The following DLGAP1 variants were observed in gnomAD, a reference collection of about 807,000 sequenced individuals.
DLGAP1 encodes DLG associated protein 1, also known as disks large-associated protein 1.
In DLGAP1, 11 loss-of-function variants were observed where a neutral mutation model predicts 90.8. The observed-to-expected ratio is 0.12, with a 90% confidence interval of 0.08 to 0.20. The LOEUF (loss-of-function observed/expected upper bound fraction) is 0.20, where lower values mean the gene tolerates loss of function less well. Ranked by LOEUF, DLGAP1 falls within the 10% of genes least tolerant of loss-of-function variation. The pLI, the probability that DLGAP1 is intolerant of heterozygous loss-of-function variation, is 1.00. For missense variants in DLGAP1, 1,050 were observed against 1,333.8 expected (o/e 0.79, Z 3.31); for synonymous variants, 558 against 540.7 (o/e 1.03, Z -0.44).
intron 7 of DLGAP1, among the ~76,000 whole-genome samples, chr18:3,669,292 G>A (rs2059994718): frequency 6.6e-6 from 1 of 151,898 alleles, no homozygotes; most frequent in African/African-American, 2.4e-5. Context: ...GGGAAGGGAA[G>A]TGCTGGGTAG....
chr18:4,358,149 C>T (rs1197716891), intron 1 of DLGAP1, among the ~76,000 whole-genome samples: 9 of 152,196 alleles, frequency 5.9e-5, no homozygotes, highest in East Asian at 1.9e-4. Flanking sequence ...AGCCAATAAT[C>T]GTGATTCCAT....
chr18:4,102,594 C>A (rs151022812), intron 2 of DLGAP1, among the ~76,000 whole-genome samples: 2 of 152,268 alleles, frequency 1.3e-5, no homozygotes, highest in African/African-American at 4.8e-5. Context: ...TTCAAGGCCC[C>A]TGGAGTAAGC....
chr18:3,614,009 G>A (rs1308702111), intron 7 of DLGAP1, among the ~76,000 whole-genome samples: 4 of 151,650 alleles, frequency 2.6e-5, no homozygotes, highest in Admixed American at 6.6e-5. Flanking sequence ...TGCAAGCTCC[G>A]CCCCCAGGTT....
At chr18:4,196,144 T>G (rs964156236) in intron 1 of DLGAP1, among the ~76,000 whole-genome samples, 1 of 152,140 alleles carries the variant, frequency 6.6e-6, no homozygotes, top group Non-Finnish European at 1.5e-5. Context: ...ATCTAGGCAC[T>G]GGGTTGTCAT....
chr18:4,056,876 T>C (rs1422088849), intron 2 of DLGAP1, among the ~76,000 whole-genome samples: 1 of 152,162 alleles, frequency 6.6e-6, no homozygotes, highest in Non-Finnish European at 1.5e-5. Flanking sequence ...CTTTAGCATC[T>C]TTCTAATCCA....
chr18:3,501,098 AG>A lies in DLGAP1; in HGVS notation c.2724+1394del, dbSNP rs369944337. ...CCCAGCTAATTTTTGTACTTTTTGT[AG>A]AGACGGCGTTTCACCATATTGTTGC... On this transcript the variant is annotated intron_variant, in intron 12 of 12. Transcript: ENST00000315677. 2.7e-3 allele frequency among the ~76,000 whole-genome samples: 411 copies of A among 152,078 alleles called. 3 individuals carry two copies. Among genetic ancestry groups the A allele is most frequent in the African/African-American group, 9.5e-3 (394 of 41,484 alleles).
intron 1 of DLGAP1, among the ~76,000 whole-genome samples, chr18:4,418,278 T>A (rs2082948650): frequency 6.6e-6 from 1 of 152,122 alleles, no homozygotes; most frequent in South Asian, 2.1e-4. Flanking sequence ...TGTCCAATTT[T>A]CAACAGCAAT....
intron 1 of DLGAP1, among the ~76,000 whole-genome samples, chr18:4,382,776 G>A (rs1222540745): frequency 2.6e-5 from 4 of 152,032 alleles, no homozygotes; most frequent in Non-Finnish European, 4.4e-5. Context: ...TATCTCACAT[G>A]TATACAATTC....
At chr18:4,367,912 G>A (rs935153973) in intron 1 of DLGAP1, among the ~76,000 whole-genome samples, 8 of 151,788 alleles carry the variant, frequency 5.3e-5, no homozygotes, top group African/African-American at 1.9e-4. Context: ...AGTTGGCCAC[G>A]TATTTTCTCA....
chr18:3,669,829 A>G (rs551937795), intron 7 of DLGAP1, among the ~76,000 whole-genome samples: 1 of 152,290 alleles, frequency 6.6e-6, no homozygotes, highest in Non-Finnish European at 1.5e-5. Flanking sequence ...TGTGATGAGG[A>G]AGCGGATCTA....
intron 1 of DLGAP1, among the ~76,000 whole-genome samples, chr18:4,333,676 G>A (rs1466570941): frequency 6.7e-6 from 1 of 148,878 alleles, no homozygotes; most frequent in Non-Finnish European, 1.5e-5. Context: ...CTGGAGTGCA[G>A]TGGTGTGATC....
Position 4,084,191 on chromosome 18 carries a change from C to G in DLGAP1, c.-159+66989G>C, listed in dbSNP as rs1390901672. 6.6e-6 allele frequency among the ~76,000 whole-genome samples: 1 copy of G among 151,902 alleles called. No individual in the cohort carries two copies. Among genetic ancestry groups the G allele is most frequent in the Non-Finnish European group, 1.5e-5 (1 of 67,992 alleles). ...GATTAAACTTCCTTCTCTGCTGCAA[C>G]CTGGTGTCTTAGCATAATGACTTGC... On this transcript the variant is annotated intron_variant, in intron 2 of 12. Coordinates refer to ENST00000315677, the MANE Select transcript of DLGAP1 (RefSeq NM_004746.4). The surrounding 1 kb of genome is among the most constrained non-coding windows in gnomAD (Gnocchi z 4.0).
intron 2 of DLGAP1, among the ~76,000 whole-genome samples, chr18:4,092,280 T>C (rs2075782962): frequency 6.6e-6 from 1 of 152,192 alleles, no homozygotes; most frequent in African/African-American, 2.4e-5. Flanking sequence ...CATTGCTTGT[T>C]ACCTGGTGCT....
At chr18:4,213,840 T>G (rs2077896359) in intron 1 of DLGAP1, among the ~76,000 whole-genome samples, 1 of 151,588 alleles carries the variant, frequency 6.6e-6, no homozygotes, top group Non-Finnish European at 1.5e-5. Flanking sequence ...CTCAGATGAG[T>G]AGGAGGAAAA....
At chr18:3,652,804 G>A (rs9965723) in intron 7 of DLGAP1, among the ~76,000 whole-genome samples, 5,302 of 152,198 alleles carry the variant, frequency 0.035, 327 homozygotes, top group African/African-American at 0.12. Context: ...TAAACAAATC[G>A]CCTTGCAGAC....
intron 7 of DLGAP1, among the ~76,000 whole-genome samples, chr18:3,635,259 T>C (rs930454650): frequency 7.9e-5 from 12 of 151,766 alleles, no homozygotes; most frequent in Non-Finnish European, 1.6e-4. Flanking sequence ...GCCTCCCGAG[T>C]AGCTGGGACT....
At position 3,496,161 on chromosome 18, in the gene DLGAP1, T is replaced by TA. The variant is rs908715953; in HGVS notation, c.*3023dup. 2 of 152,184 alleles carry TA rather than the reference T, an allele frequency of 1.3e-5. No individual in the cohort carries two copies. The highest frequency in any genetic ancestry group is 4.8e-5 in the African/African-American group (2 of 41,462). The allele number at this position is 152,184 out of a possible 1,614,324, so 9.4% of individuals were successfully genotyped here. On this transcript the variant is annotated 3_prime_UTR_variant, in exon 13 of 13. Transcript: ENST00000315677. ...TATGAAATTCCAATTCATAAAGCCATAAAAATGTTCCCACCCCTCCATCTG... is the reference window on the plus strand; with the variant it reads ...TATGAAATTCCAATTCATAAAGCCATAAAAAATGTTCCCACCCCTCCATCTG...
intron 3 of DLGAP1, among the ~76,000 whole-genome samples, chr18:3,963,525 G>A (rs778470498): frequency 2.0e-5 from 3 of 149,916 alleles, no homozygotes; most frequent in Non-Finnish European, 4.4e-5. Flanking sequence ...CTCCTGGGCT[G>A]TGGTTTGTTT....
At chr18:4,004,013 C>G (rs553281917) in intron 3 of DLGAP1, among the ~76,000 whole-genome samples, 1 of 152,170 alleles carries the variant, frequency 6.6e-6, no homozygotes, top group Non-Finnish European at 1.5e-5. Context: ...GAGGAACCCA[C>G]AGAAGCTACA....
Sources: gnomAD v4.1 joint callset for allele counts (sites outside exome capture counted in the v4.1 genomes callset) on GRCh38, gnomAD v4.1.1 for gene constraint, Gnocchi (gnomAD v3.1) non-coding constraint, MANE v1.5 for transcripts, NCBI Gene and HGNC (gene_info 2026-07-23, HGNC 2026-07-21) for gene names.